XPNPEP3: variants seen among roughly 807,000 people sequenced by gnomAD.
The protein encoded by XPNPEP3 is xaa-Pro aminopeptidase 3.
A neutral mutation model predicts 60.0 loss-of-function variants in XPNPEP3; 41 were observed. The ratio of observed to expected loss-of-function variants is 0.68; its 90% CI spans 0.53 to 0.89. XPNPEP3 has a LOEUF of 0.89. Ranked by LOEUF, XPNPEP3 falls within the 40% of genes least tolerant of loss-of-function variation. The pLI is 0.00. For synonymous variants in XPNPEP3, 212 were observed against 223.2 expected, an observed-to-expected ratio of 0.95 and a Z score of 0.45; for missense variants, 598 against 638.9, an observed-to-expected ratio of 0.94 and a Z score of 0.69.
chr22:40,865,899 C>T (rs2057976436), intron 1 of XPNPEP3, among the ~76,000 whole-genome samples: 1 of 152,180 alleles, frequency 6.6e-6, no homozygotes, highest in African/African-American at 2.4e-5. Flanking sequence ...TAAAATATTA[C>T]AGTGCCAGGC....
chr22:40,857,770 C>T (rs766308535), intron 1 of XPNPEP3, among the ~76,000 whole-genome samples: 2 of 152,206 alleles, frequency 1.3e-5, no homozygotes, highest in East Asian at 3.8e-4. Flanking sequence ...TCCTCTATTG[C>T]GAGCAATTAA....
chr22:40,915,009 A>G (rs1367367289), intron 7 of XPNPEP3, among the ~76,000 whole-genome samples: 1 of 151,266 alleles, frequency 6.6e-6, no homozygotes, highest in Non-Finnish European at 1.5e-5. Flanking sequence ...AAAAGGCACC[A>G]GAGAGCTTTC....
At chr22:40,921,127 C>T (rs915499122) in intron 7 of XPNPEP3, among the ~76,000 whole-genome samples, 1 of 150,118 alleles carries the variant, frequency 6.7e-6, no homozygotes, top group Non-Finnish European at 1.5e-5. Context: ...AGTGGACCTC[C>T]TCATGGGTCA....
chr22:40,924,368 C>G lies in XPNPEP3; in HGVS notation c.1243C>G (p.Arg415Gly). 1 of 1,614,050 alleles carries G rather than the reference C, an allele frequency of 6.2e-7. No individual in the cohort carries two copies. Among genetic ancestry groups the G allele is most frequent in the Non-Finnish European group, 8.5e-7 (1 of 1,180,008 alleles). The change falls in exon 9 of 10, where the codon CGA (arginine) becomes GGA (glycine). Residue 415 changes from arginine to glycine, a missense_variant. Physicochemically the swap from Arg to Gly is moderately radical, Grantham distance 125. Coordinates refer to ENST00000357137, the MANE Select transcript of XPNPEP3 (RefSeq NM_022098.4). The stretch of plus-strand genomic sequence containing the variant: ...TGACAATTATCTTTTCCAGGCTGCT[C>G]GAAAATACTGTCCTCATCATGTTGG... Reference protein sequence around the residue: ...IKENNAFKAARKYCPHHVGHY... With the variant: ...IKENNAFKAAGKYCPHHVGHY...
At chr22:40,865,815 A>G (rs9619910) in intron 1 of XPNPEP3, among the ~76,000 whole-genome samples, 8,047 of 152,172 alleles carry the variant, frequency 0.053, 679 homozygotes, top group African/African-American at 0.18. Flanking sequence ...GATTACAAGC[A>G]TGAGCCACCA....
chr22:40,930,084 C>G lies in XPNPEP3; in HGVS notation c.*3649C>G, dbSNP rs1404671369. On this transcript the variant is annotated 3_prime_UTR_variant, in exon 10 of 10. Transcript: ENST00000357137. ...TAAATTCAGAGTTTTAAGGTAAAGG[C>G]TTTATATTAGCTTTTTTTTTTTTTA... 5 of 142,998 alleles carry G rather than the reference C, an allele frequency of 3.5e-5. No homozygotes were observed. In the East Asian group the frequency reaches 1.0e-3, roughly 29 times the overall value. 8.9% of individuals were successfully genotyped at this position (142,998 alleles called of 1,614,324 possible).
At chr22:40,873,179 A>C (rs2058014277) in intron 2 of XPNPEP3, among the ~76,000 whole-genome samples, 1 of 133,374 alleles carries the variant, frequency 7.5e-6, no homozygotes, top group African/African-American at 2.9e-5. Flanking sequence ...GATCCGGCTC[A>C]CTGCAACCTC....
At chr22:40,869,986 A>G in intron 2 of XPNPEP3, 1 of 466,280 alleles carries the variant, frequency 2.1e-6, no homozygotes, top group Non-Finnish European at 4.4e-6. Context: ...CACTATCCCC[A>G]CTCAGTGAAT....
chr22:40,858,588 G>A (rs891422041), intron 1 of XPNPEP3, among the ~76,000 whole-genome samples: 1 of 143,356 alleles, frequency 7.0e-6, no homozygotes, highest in Non-Finnish European at 1.5e-5. Context: ...GGAGTGCAGT[G>A]GCGCGATCTC....
rs1234430672 is a variant in XPNPEP3, at chr22:40,881,885, G to C, written c.297G>C (p.Val99=). ...GTGGGACAGACCAGACAGTGGTTGT[G>C]CTCTCCAACCCTACATACTACATGA... ...GQSGTDQTVV[V]LSNPTYYMSN... The change falls in exon 3 of 10, where the codon GTG becomes GTC. Residue 99 remains valine, a synonymous_variant. Transcript: ENST00000357137. 1 of 1,614,152 alleles carries C rather than the reference G, an allele frequency of 6.2e-7. No homozygotes were observed. The highest frequency in any genetic ancestry group is 1.1e-5 in the South Asian group (1 of 91,084).
chr22:40,882,121 G>T lies in XPNPEP3; in HGVS notation c.533G>T (p.Gly178Val), dbSNP rs1711532996. The change falls in exon 3 of 10, where the codon GGA becomes GTA. Residue 178 changes from glycine (G) to valine (V), a missense_variant. Transcript: ENST00000357137. Reference sequence around the variant, plus strand: ...ACTGATGGAGCAATAGCTCTAACTGGAGTAGACGAAGCCTATACGCTAGAA... The same window carrying T: ...ACTGATGGAGCAATAGCTCTAACTGTAGTAGACGAAGCCTATACGCTAGAA... ...SGTDGAIALTGVDEAYTLEEF... is the reference protein window; with the variant it reads ...SGTDGAIALTVVDEAYTLEEF... 1 of 1,614,032 alleles carries T rather than the reference G, an allele frequency of 6.2e-7. No homozygotes were observed. Among genetic ancestry groups the T allele is most frequent in the Non-Finnish European group, 8.5e-7 (1 of 1,180,034 alleles).
At chr22:40,898,725 C>T (rs2058119703) in intron 4 of XPNPEP3, among the ~76,000 whole-genome samples, 1 of 152,132 alleles carries the variant, frequency 6.6e-6, no homozygotes, top group Non-Finnish European at 1.5e-5. Context: ...TTTACATCTT[C>T]CTGAGATCTA....
intron 6 of XPNPEP3, among the ~76,000 whole-genome samples, chr22:40,913,933 T>C (rs747687330): frequency 6.6e-6 from 1 of 151,988 alleles, no homozygotes; most frequent in African/African-American, 2.4e-5. Context: ...TCACCTGAGG[T>C]TGGGAGTTTG....
intron 1 of XPNPEP3, chr22:40,860,030 T>C (rs971987099): frequency 1.3e-5 from 2 of 152,184 alleles, no homozygotes; most frequent in Non-Finnish European, 2.9e-5. Flanking sequence ...AAAAATGTGG[T>C]AAAATATACT....
intron 1 of XPNPEP3, chr22:40,860,289 C>T (rs577396058): frequency 6.5e-6 from 1 of 153,910 alleles, no homozygotes; most frequent in Non-Finnish European, 1.4e-5. Context: ...CATTATGTTA[C>T]CCGGACTGTC....
chr22:40,860,684 A>C (rs1270988274), intron 1 of XPNPEP3: 4 of 1,199,994 alleles, frequency 3.3e-6, no homozygotes, highest in Non-Finnish European at 4.6e-6. Context: ...ACAGGGTCTT[A>C]CTTTGTCACC....
chr22:40,890,184 A>G (rs951181349), intron 4 of XPNPEP3, among the ~76,000 whole-genome samples: 3 of 152,160 alleles, frequency 2.0e-5, no homozygotes, highest in African/African-American at 7.2e-5. Context: ...TGACCCCTAT[A>G]TTACATCATA....
rs549080945 is a variant in XPNPEP3 at position 40,923,188 on chromosome 22, G to A, written c.1236+675G>A. Among the ~76,000 whole-genome samples the A allele has an allele frequency of 5.3e-5, 8 of 151,420 alleles. No individual in the cohort carries two copies. The East Asian group carries it at 1.2e-3, about 22-fold the overall frequency. On this transcript the variant is annotated intron_variant, in intron 8 of 9. Coordinates refer to ENST00000357137, the MANE Select transcript of XPNPEP3 (RefSeq NM_022098.4). ...TGTTCGCACCACTGCACTCCAACCC[G>A]GGCCACAGAACAAGGCCCTGTGTCT...
intron 4 of XPNPEP3, among the ~76,000 whole-genome samples, chr22:40,889,192 G>A (rs1396596012): frequency 2.0e-5 from 3 of 151,838 alleles, no homozygotes; most frequent in Admixed American, 6.6e-5. Flanking sequence ...CACCATGGCT[G>A]TTTTTAGGTT....
Sources: allele counts gnomAD v4.1 joint callset (sites outside exome capture counted in the v4.1 genomes callset), GRCh38; gene constraint gnomAD v4.1.1; transcripts MANE v1.5; gene names NCBI Gene and HGNC (gene_info 2026-07-23, HGNC 2026-07-21).